Variants in NEURL1B observed in about 807,000 individuals in gnomAD.
NEURL1B encodes the protein neuralized E3 ubiquitin protein ligase 1B.
A neutral mutation model predicts 37.4 loss-of-function variants in NEURL1B; 13 were observed. The observed-to-expected ratio is 0.35, with a 90% CI of 0.23 to 0.55. The LOEUF is 0.55. Among genes scored for constraint, NEURL1B ranks in the 20% least tolerant of loss-of-function variants. NEURL1B has a pLI of 0.89. For missense variants in NEURL1B, 790 were observed against 879.2 expected (o/e 0.90, Z 1.28); for synonymous variants, 432 against 426.6 (o/e 1.01, Z -0.16).
intron 1 of NEURL1B, among the ~76,000 whole-genome samples, chr5:172,668,969 CA>C (rs1366732454): frequency 6.6e-6 from 1 of 152,218 alleles, no homozygotes; most frequent in African/African-American, 2.4e-5. Flanking sequence ...CAACGTTGCT[CA>C]TAAGCAATGC....
intron 1 of NEURL1B, among the ~76,000 whole-genome samples, chr5:172,651,021 A>T (rs192807819): frequency 1.4e-4 from 21 of 152,302 alleles, no homozygotes; most frequent in African/African-American, 5.1e-4. Context: ...GGAGCCTATG[A>T]TCGGAATGAG....
rs1279570971 is a variant in NEURL1B, at chr5:172,683,436, A to G, written c.595A>G (p.Thr199Ala). 6 of 1,426,956 alleles carry G rather than the reference A, an allele frequency of 4.2e-6. No homozygotes were observed. The highest frequency in any genetic ancestry group is 5.5e-6 in the Non-Finnish European group (6 of 1,088,942). The allele number at this position is 1,426,956 out of a possible 1,614,324, so 88.4% of individuals were successfully genotyped here. ...VQLLESAFAD[T>A]LTPARLSQAR... ...CCGCACAGAGAGCGCCTTCGCTGAC[A>G]CGCTGACGCCCGCGCGCCTCAGCCA... The change falls in exon 3 of 5, where the codon ACG becomes GCG. Residue 199 changes from threonine to alanine, a missense_variant. Physicochemically the swap from Thr to Ala is moderately conservative, Grantham distance 58 (BLOSUM62 0). This residue lies in a region of NEURL1B where 460 missense variants were observed against 407.4 expected (regional missense o/e 1.13). Transcript: ENST00000369800. This position sits in a 1 kb window ranked among gnomAD's most constrained non-coding sequence, Gnocchi z 5.6.
chr5:172,658,851 C>A (rs1757841604), intron 1 of NEURL1B, among the ~76,000 whole-genome samples: 1 of 152,148 alleles, frequency 6.6e-6, no homozygotes, highest in Admixed American at 6.5e-5. Flanking sequence ...TCAGGCCCTA[C>A]CCCCAATTCT....
chr5:172,662,391 A>G (rs1263670494), intron 1 of NEURL1B: 1 of 153,090 alleles, frequency 6.5e-6, no homozygotes, highest in Admixed American at 6.5e-5. Flanking sequence ...TCAAACTGTG[A>G]TGTAGAAATA....
At chr5:172,644,123 T>A (rs1400411104) in intron 1 of NEURL1B, among the ~76,000 whole-genome samples, 1 of 152,176 alleles carries the variant, frequency 6.6e-6, no homozygotes, top group East Asian at 1.9e-4. Flanking sequence ...TTTGTCTGTT[T>A]TATTCACTGC....
At position 172,683,193 on chromosome 5, in the gene NEURL1B, G is replaced by A. The variant is rs1444951468; in HGVS notation, c.578-226G>A. On this transcript the variant is annotated intron_variant, in intron 2 of 4. Coordinates refer to ENST00000369800, the MANE Select transcript of NEURL1B (RefSeq NM_001142651.3). The surrounding 1 kb of genome is among the most constrained non-coding windows in gnomAD (Gnocchi z 5.6). ...TTATCTGCCGCTCCCAAAGGTAAGAGCATGTCAAGGAAACCGAGGATGGTG... is the reference window on the plus strand; with the variant it reads ...TTATCTGCCGCTCCCAAAGGTAAGAACATGTCAAGGAAACCGAGGATGGTG... 2.0e-5 allele frequency among the ~76,000 whole-genome samples: 3 copies of A among 152,312 alleles called. No individual in the cohort carries two copies. The highest frequency in any genetic ancestry group is 6.5e-5 in the Admixed American group (1 of 15,300).
chr5:172,663,488 T>C (rs1581427990), intron 1 of NEURL1B, among the ~76,000 whole-genome samples: 1 of 134,528 alleles, frequency 7.4e-6, no homozygotes, highest in East Asian at 2.2e-4. Context: ...ACCACTGCAC[T>C]CCAGCCTGGG....
In NEURL1B at chr5:172,675,749, T is replaced by C. The variant is rs767722939; in HGVS notation, c.577+5419T>C. 6.6e-6 allele frequency among the ~76,000 whole-genome samples: 1 copy of C among 152,204 alleles called. No individual in the cohort carries two copies. Among genetic ancestry groups the C allele is most frequent in the Admixed American group, 6.5e-5 (1 of 15,288 alleles). ...TTTGGATTTTGGAATATTTGTATTA[T>C]AGTTAACATTTCAGCATCACTAATC... On this transcript the variant is annotated intron_variant, in intron 2 of 4. Transcript: ENST00000369800. This position sits in a 1 kb window ranked among gnomAD's most constrained non-coding sequence, Gnocchi z 4.7.
chr5:172,643,261 C>G (rs1757501414), intron 1 of NEURL1B, among the ~76,000 whole-genome samples: 1 of 152,172 alleles, frequency 6.6e-6, no homozygotes, highest in African/African-American at 2.4e-5. Context: ...ACCGGAATTC[C>G]TGAGTCACAT....
chr5:172,643,115 T>C (rs1489326247), intron 1 of NEURL1B, among the ~76,000 whole-genome samples: 1 of 152,146 alleles, frequency 6.6e-6, no homozygotes, highest in African/African-American at 2.4e-5. Flanking sequence ...CTCTCAACTC[T>C]CTCTCTGTGG....
At position 172,683,604 on chromosome 5, in the gene NEURL1B, G is replaced by A; in HGVS notation, c.763G>A (p.Ala255Thr). 10 of 1,255,696 alleles carry A rather than the reference G, an allele frequency of 8.0e-6. No homozygotes were observed. Among genetic ancestry groups the A allele is most frequent in the African/African-American group, 1.6e-5 (1 of 62,494 alleles). The allele number at this position is 1,255,696 out of a possible 1,614,324, so 77.8% of individuals were successfully genotyped here. A position where few individuals can be genotyped will look rare whatever the true frequency, so the allele number is the denominator to read the frequency against. Residue 255 changes from alanine (A) to threonine (T), a missense_variant, in exon 3 of 5, where the codon GCG (alanine) becomes ACG (threonine). Around this residue, in one of 3 missense-constraint regions of NEURL1B, gnomAD observed 460 missense variants for 407.4 expected, o/e 1.13. Transcript: ENST00000369800. This position sits in a 1 kb window ranked among gnomAD's most constrained non-coding sequence, Gnocchi z 5.6. ...RAPGPPPADA[A>T]AAAIPCGPRE... Reference sequence around the variant, plus strand: ...CCCGGGCCCACCGCCAGCCGACGCCGCGGCCGCCGCCATTCCGTGCGGGCC... The same window carrying A: ...CCCGGGCCCACCGCCAGCCGACGCCACGGCCGCCGCCATTCCGTGCGGGCC...
chr5:172,652,405 C>A (rs1757684527), intron 1 of NEURL1B, among the ~76,000 whole-genome samples: 1 of 152,256 alleles, frequency 6.6e-6, no homozygotes, highest in Non-Finnish European at 1.5e-5. Context: ...AATATTTGAT[C>A]CATTCCAACC....
At chr5:172,662,836 C>G (rs1271416270) in intron 1 of NEURL1B, among the ~76,000 whole-genome samples, 2 of 152,144 alleles carry the variant, frequency 1.3e-5, no homozygotes, top group Non-Finnish European at 2.9e-5. Flanking sequence ...CTCCAAATCT[C>G]TGCCATGCAT....
chr5:172,673,942 C>T (rs541510924), intron 2 of NEURL1B, among the ~76,000 whole-genome samples: 1 of 152,048 alleles, frequency 6.6e-6, no homozygotes, highest in African/African-American at 2.4e-5. Flanking sequence ...AGTTCGAGAC[C>T]AGCCTGGCCA....
chr5:172,678,005 T>C (rs980031868), intron 2 of NEURL1B, among the ~76,000 whole-genome samples: 2 of 152,132 alleles, frequency 1.3e-5, no homozygotes. Context: ...GCCTACATCC[T>C]GGGCCCACTA....
chr5:172,646,685 C>T (rs1003339287), intron 1 of NEURL1B, among the ~76,000 whole-genome samples: 1 of 152,152 alleles, frequency 6.6e-6, no homozygotes, highest in Non-Finnish European at 1.5e-5. Context: ...AGTTACAGTA[C>T]GCGGTCGGCA....
At chr5:172,685,365 A>G (rs1163907765) in intron 3 of NEURL1B, among the ~76,000 whole-genome samples, 3 of 152,202 alleles carry the variant, frequency 2.0e-5, no homozygotes, top group African/African-American at 4.8e-5. Context: ...TTGAGGAACC[A>G]TCAGACATAG....
At chr5:172,649,183 A>G (rs1359287116) in intron 1 of NEURL1B, among the ~76,000 whole-genome samples, 1 of 152,106 alleles carries the variant, frequency 6.6e-6, no homozygotes, top group Non-Finnish European at 1.5e-5. Flanking sequence ...TGGAGTACAC[A>G]GGTAATTAGT....
At chr5:172,682,157 C>T (rs1273391847) in intron 2 of NEURL1B, among the ~76,000 whole-genome samples, 3 of 152,182 alleles carry the variant, frequency 2.0e-5, no homozygotes, top group Non-Finnish European at 4.4e-5. Flanking sequence ...TACTAAAGTA[C>T]GAATACCTGT....
Sources: allele counts gnomAD v4.1 joint callset (sites outside exome capture counted in the v4.1 genomes callset), GRCh38; gene constraint gnomAD v4.1.1; regional missense constraint gnomAD v4.1.1; non-coding constraint Gnocchi (gnomAD v3.1); transcripts MANE v1.5; gene names NCBI Gene and HGNC (gene_info 2026-07-23, HGNC 2026-07-21).